Variants in AFF3 observed in about 807,000 individuals in gnomAD.
AFF3 encodes the protein ALF transcription elongation factor 3.
Under a neutral mutation model 129.7 loss-of-function variants are expected in AFF3, and 32 were observed. That is an observed-to-expected ratio of 0.25 (90% CI 0.19 to 0.33). The LOEUF is 0.33. Ranked by LOEUF, AFF3 falls within the 10% of genes least tolerant of loss-of-function variation. The probability of loss-of-function intolerance (pLI) is 1.00; values close to 1 mark genes in which losing one functional copy is unlikely to be tolerated. For synonymous variants in AFF3, 644 were observed against 635.4 expected (o/e 1.01, Z -0.20); for missense variants, 1,373 against 1,592.0 (o/e 0.86, Z 2.34).
intron 7 of AFF3, among the ~76,000 whole-genome samples, chr2:99,851,580 A>C (rs1690145485): frequency 6.6e-6 from 1 of 152,220 alleles, no homozygotes; most frequent in African/African-American, 2.4e-5. Flanking sequence ...ATAAACCCAT[A>C]ATACAAAGAC....
intron 8 of AFF3, among the ~76,000 whole-genome samples, chr2:99,796,862 A>G (rs1685587832): frequency 6.6e-6 from 1 of 152,196 alleles, no homozygotes; most frequent in Non-Finnish European, 1.5e-5. Context: ...TTAACAGGGC[A>G]TTGGATAGAG....
At chr2:99,688,126 G>T (rs1357484850) in intron 11 of AFF3, among the ~76,000 whole-genome samples, 3 of 152,194 alleles carry the variant, frequency 2.0e-5, no homozygotes, top group Non-Finnish European at 4.4e-5. Context: ...ACAGGTGTGA[G>T]CCACTGCGCC....
intron 4 of AFF3, among the ~76,000 whole-genome samples, chr2:100,015,995 G>A (rs983212261): frequency 1.1e-4 from 16 of 151,500 alleles, no homozygotes; most frequent in Admixed American, 9.9e-4. Context: ...AATGGTGACA[G>A]TAGTGGCAGT....
chr2:99,750,087 T>A (rs1681503879), intron 9 of AFF3, among the ~76,000 whole-genome samples: 1 of 152,224 alleles, frequency 6.6e-6, no homozygotes, highest in Non-Finnish European at 1.5e-5. Flanking sequence ...AGGAAAGATC[T>A]TTTTTCTCTG....
chr2:100,044,874 C>T (rs1342030870), intron 4 of AFF3, among the ~76,000 whole-genome samples: 1 of 151,880 alleles, frequency 6.6e-6, no homozygotes, highest in Non-Finnish European at 1.5e-5. Flanking sequence ...TATTTCTAAA[C>T]CTGGGGGATA....
chr2:99,563,147 C>A (rs1260053169), intron 20 of AFF3, among the ~76,000 whole-genome samples: 9 of 151,070 alleles, frequency 6.0e-5, no homozygotes, highest in Admixed American at 3.9e-4. Context: ...AGAGGAGGGT[C>A]AGGCAGGGTG....
chr2:99,965,116 C>A (rs115243284), intron 7 of AFF3, among the ~76,000 whole-genome samples: 1 of 152,018 alleles, frequency 6.6e-6, no homozygotes, highest in Non-Finnish European at 1.5e-5. Flanking sequence ...TTATAAACCA[C>A]GCGAAATGAA....
intron 10 of AFF3, among the ~76,000 whole-genome samples, chr2:99,735,281 C>T (rs1680158754): frequency 6.6e-6 from 1 of 151,982 alleles, no homozygotes; most frequent in South Asian, 2.1e-4. Context: ...CCTGATCAAT[C>T]TCTCTGCAAA....
chr2:99,611,156 T>C (rs1018974133), intron 13 of AFF3, among the ~76,000 whole-genome samples: 5 of 152,218 alleles, frequency 3.3e-5, no homozygotes, highest in African/African-American at 1.2e-4. Context: ...TGCCTTTTCC[T>C]TGTATTTTCT....
chr2:99,671,417 A>T (rs965294862), intron 12 of AFF3, among the ~76,000 whole-genome samples: 1 of 151,826 alleles, frequency 6.6e-6, no homozygotes, highest in South Asian at 2.1e-4. Context: ...TGGTTTCCAG[A>T]CTCCTCAAGC....
intron 7 of AFF3, among the ~76,000 whole-genome samples, chr2:99,914,502 T>C (rs1695320998): frequency 2.6e-5 from 4 of 152,200 alleles, no homozygotes; most frequent in Admixed American, 1.3e-4. Flanking sequence ...GAAATTCAAA[T>C]AAGGTCTGTA....
chr2:99,746,768 G>T (rs1681193570), intron 9 of AFF3, among the ~76,000 whole-genome samples: 1 of 152,090 alleles, frequency 6.6e-6, no homozygotes. Context: ...GGGAATTCAA[G>T]AGTTTATATC....
intron 13 of AFF3, among the ~76,000 whole-genome samples, chr2:99,627,185 T>C (rs62154520): frequency 0.12 from 18,045 of 152,240 alleles, 1,146 homozygotes; most frequent in East Asian, 0.15. Context: ...AAAATTTACA[T>C]TCCCACCAAC....
At chr2:99,650,796 A>ATGCGTG (rs1553417669) in intron 12 of AFF3, among the ~76,000 whole-genome samples, 1 of 144,756 alleles carries the variant, frequency 6.9e-6, no homozygotes, top group Non-Finnish European at 1.5e-5. Context: ...ACTAAAATTA[A>ATGCGTG]TGTGTGTGTG....
chr2:99,652,655 C>T (rs1483674001), intron 12 of AFF3, among the ~76,000 whole-genome samples: 1 of 152,076 alleles, frequency 6.6e-6, no homozygotes, highest in Non-Finnish European at 1.5e-5. Context: ...CAGGTTTTGC[C>T]ATTCATTTGC....
chr2:99,706,878 G>C (rs1677448958), intron 11 of AFF3, among the ~76,000 whole-genome samples: 1 of 152,150 alleles, frequency 6.6e-6, no homozygotes, highest in Admixed American at 6.5e-5. Context: ...TATCTAAAAT[G>C]ATGGTGTGAT....
chr2:99,682,563 T>C (rs2104565912), intron 11 of AFF3, among the ~76,000 whole-genome samples: 1 of 152,324 alleles, frequency 6.6e-6, no homozygotes, highest in South Asian at 2.1e-4. Flanking sequence ...ACAGAAAATT[T>C]TATGAATGCC....
chr2:100,006,489 C>A, intron 7 of AFF3, 143 bp downstream of exon 7: 1 of 1,022,798 alleles, frequency 9.8e-7, no homozygotes, highest in Non-Finnish European at 1.4e-6. Flanking sequence ...GTCTGCCTCC[C>A]CTTTCAGTGA....
intron 10 of AFF3, among the ~76,000 whole-genome samples, chr2:99,741,085 C>G (rs550347301): frequency 4.1e-4 from 63 of 152,286 alleles, no homozygotes; most frequent in Admixed American, 2.0e-3. Flanking sequence ...TTGTTTTTCT[C>G]AGGTTTGTCA....
Sources: allele counts gnomAD v4.1 joint callset (sites outside exome capture counted in the v4.1 genomes callset), GRCh38; gene constraint gnomAD v4.1.1; transcripts MANE v1.5; gene names NCBI Gene and HGNC (gene_info 2026-07-23, HGNC 2026-07-21).